CEPT1: variants seen among roughly 807,000 people sequenced by gnomAD.
CEPT1 encodes choline/ethanolaminephosphotransferase 1.
Under a neutral mutation model 42.6 loss-of-function variants are expected in CEPT1, and 7 were observed. The ratio of observed to expected loss-of-function variants is 0.16; its 90% CI spans 0.09 to 0.31. The LOEUF is 0.31. Ranked by LOEUF, CEPT1 falls within the 10% of genes least tolerant of loss-of-function variation. The probability of loss-of-function intolerance (pLI) is 1.00; values close to 1 mark genes in which losing one functional copy is unlikely to be tolerated. For missense variants in CEPT1, 306 were observed against 502.1 expected, an observed-to-expected ratio of 0.61 and a Z score of 3.73; for synonymous variants, 171 against 171.9, an observed-to-expected ratio of 0.99 and a Z score of 0.04.
At chr1:111,159,045 C>T (rs913451952) in intron 2 of CEPT1, among the ~76,000 whole-genome samples, 1 of 148,576 alleles carries the variant, frequency 6.7e-6, no homozygotes, top group African/African-American at 2.5e-5. Context: ...TCCCAAGTAG[C>T]TAGGACTACA....
Position 111,179,986 on chromosome 1 carries a change from CCTTA to C in CEPT1, c.715-2197_715-2194del, listed in dbSNP as rs1335885142. The C allele has an allele frequency of 5.9e-5, 9 of 152,164 alleles. No homozygotes were observed. In the East Asian group the frequency reaches 7.7e-4, roughly 13 times the overall value. 9.4% of individuals were successfully genotyped at this position (152,164 alleles called of 1,614,324 possible). ...TTGCGCCTAGGTCAATAGCTTGCTTCCTTACTTTGTGGTCCAAGCCATGTACTAA... is the reference window on the plus strand; with the variant it reads ...TTGCGCCTAGGTCAATAGCTTGCTTCCTTTGTGGTCCAAGCCATGTACTAA... On this transcript the variant is annotated intron_variant, in intron 5 of 8. Transcript: ENST00000357172.
intron 2 of CEPT1, 64 bp downstream of exon 2, chr1:111,148,117 G>A: frequency 8.0e-7 from 1 of 1,253,320 alleles, no homozygotes; most frequent in Non-Finnish European, 1.1e-6. Context: ...TTGGGATCGT[G>A]GGGTCATTTT....
intron 4 of CEPT1, among the ~76,000 whole-genome samples, chr1:111,169,966 A>G (rs1203704425): frequency 3.3e-5 from 5 of 152,006 alleles, no homozygotes; most frequent in African/African-American, 1.2e-4. Flanking sequence ...GATATTTCCT[A>G]CCTCCTAGGG....
chr1:111,159,650 C>A, intron 3 of CEPT1, 123 bp downstream of exon 3: 1 of 691,050 alleles, frequency 1.4e-6, no homozygotes, highest in South Asian at 2.6e-5. Context: ...TAGTATTTCT[C>A]AAAAGACTAT....
At chr1:111,174,818 A>C (rs1226793429) in intron 4 of CEPT1, 61 bp from the exon 5 acceptor site, 5 of 1,003,434 alleles carry the variant, frequency 5.0e-6, no homozygotes, top group Non-Finnish European at 1.6e-6. Flanking sequence ...TAAGCTTGCA[A>C]GTAATTAACT....
chr1:111,161,108 T>A, intron 3 of CEPT1, 47 bp from the exon 4 acceptor site: 1 of 1,605,046 alleles, frequency 6.2e-7, no homozygotes, highest in South Asian at 1.1e-5. Context: ...AGCTCAGTTG[T>A]TTGCTATTCA....
intron 4 of CEPT1, among the ~76,000 whole-genome samples, chr1:111,162,232 G>A (rs1351503873): frequency 1.3e-5 from 2 of 152,244 alleles, no homozygotes; most frequent in African/African-American, 4.8e-5. Flanking sequence ...CAGTAAGGCA[G>A]AGGGTAAATT....
chr1:111,176,590 C>T (rs569040823), intron 5 of CEPT1, among the ~76,000 whole-genome samples: 2 of 152,210 alleles, frequency 1.3e-5, no homozygotes, highest in South Asian at 2.1e-4. Context: ...TATCCCTTGT[C>T]TGTAATTATT....
chr1:111,172,674 C>T (rs1656480055), intron 4 of CEPT1, among the ~76,000 whole-genome samples: 1 of 152,206 alleles, frequency 6.6e-6, no homozygotes, highest in Non-Finnish European at 1.5e-5. Context: ...AATGACTTTG[C>T]ACTGCATGCA....
chr1:111,177,425 G>T (rs1242756920), intron 5 of CEPT1, among the ~76,000 whole-genome samples: 1 of 152,136 alleles, frequency 6.6e-6, no homozygotes, highest in East Asian at 1.9e-4. Flanking sequence ...GAAGTTTTGG[G>T]ATTTGTAGCA....
At chr1:111,174,176 C>G (rs1171615680) in intron 4 of CEPT1, among the ~76,000 whole-genome samples, 1 of 151,890 alleles carries the variant, frequency 6.6e-6, no homozygotes, top group Non-Finnish European at 1.5e-5. Context: ...TGCCCATGTT[C>G]TTTTTTTTCA....
intron 5 of CEPT1, chr1:111,178,436 T>C (rs947172527): frequency 1.3e-5 from 2 of 151,676 alleles, no homozygotes; most frequent in African/African-American, 4.8e-5. Flanking sequence ...CCAAAGATTA[T>C]AGTTATTGTT....
intron 7 of CEPT1, 141 bp from the exon 8 acceptor site, chr1:111,183,321 T>C: frequency 1.1e-6 from 1 of 898,064 alleles, no homozygotes; most frequent in Non-Finnish European, 1.7e-6. Context: ...CATTTCATAT[T>C]GTTGGGTTTT....
At chr1:111,142,053 GA>G (rs1292540479) in intron 1 of CEPT1, among the ~76,000 whole-genome samples, 2 of 151,848 alleles carry the variant, frequency 1.3e-5, no homozygotes, top group Non-Finnish European at 2.9e-5. Context: ...AGGAGTTAGA[GA>G]TTTTTTTTTT....
At chr1:111,148,131 T>A in intron 2 of CEPT1, 78 bp downstream of exon 2, 2 of 1,038,156 alleles carry the variant, frequency 1.9e-6, no homozygotes, top group Non-Finnish European at 2.9e-6. Flanking sequence ...TCATTTTAAC[T>A]AAAGATAAAG....
intron 2 of CEPT1, among the ~76,000 whole-genome samples, chr1:111,153,451 T>C (rs1460811998): frequency 3.9e-5 from 6 of 152,178 alleles, no homozygotes; most frequent in African/African-American, 1.2e-4. Context: ...CCCAGAGTGC[T>C]TGGATTACAG....
chr1:111,144,539 A>G (rs1374279878), intron 1 of CEPT1, among the ~76,000 whole-genome samples: 1 of 152,234 alleles, frequency 6.6e-6, no homozygotes, highest in African/African-American at 2.4e-5. Context: ...AAAACAATCT[A>G]GGTCGCAGAG....
At chr1:111,182,477 T>C in intron 6 of CEPT1, 159 bp downstream of exon 6, 1 of 728,386 alleles carries the variant, frequency 1.4e-6, no homozygotes. Flanking sequence ...TTATATATAC[T>C]TACCCACATT....
At chr1:111,146,876 G>A (rs1654996511) in intron 1 of CEPT1, among the ~76,000 whole-genome samples, 1 of 147,012 alleles carries the variant, frequency 6.8e-6, no homozygotes, top group South Asian at 2.2e-4. Flanking sequence ...TTTTTTCATT[G>A]TTGTATATCT....
Sources: gnomAD v4.1 joint callset for allele counts (sites outside exome capture counted in the v4.1 genomes callset) on GRCh38, gnomAD v4.1.1 for gene constraint, MANE v1.5 for transcripts, NCBI Gene and HGNC (gene_info 2026-07-23, HGNC 2026-07-21) for gene names.